The following GGH variants were observed in gnomAD, a reference collection of about 807,000 sequenced individuals.
The protein encoded by GGH is gamma-glutamyl hydrolase, also known as gamma-Glu-X carboxypeptidase.
A neutral mutation model predicts 39.2 loss-of-function variants in GGH; 18 were observed. The observed-to-expected ratio is 0.46, with a 90% CI of 0.32 to 0.68. The LOEUF is 0.68. Among genes scored for constraint, GGH ranks in the 30% least tolerant of loss-of-function variants. The probability of loss-of-function intolerance (pLI) is 0.04; values close to 1 mark genes in which losing one functional copy is unlikely to be tolerated. For synonymous variants in GGH, 147 were observed against 138.8 expected (o/e 1.06, Z -0.42); for missense variants, 367 against 384.1 (o/e 0.96, Z 0.37).
intron 8 of GGH, among the ~76,000 whole-genome samples, chr8:63,016,558 C>T (rs1804490670): frequency 6.6e-6 from 1 of 152,216 alleles, no homozygotes; most frequent in Non-Finnish European, 1.5e-5. Flanking sequence ...CTCTGTCTTA[C>T]ACAGCTAGTC....
chr8:63,021,667 T>A (rs1295045261), intron 7 of GGH, among the ~76,000 whole-genome samples: 3 of 139,464 alleles, frequency 2.2e-5, no homozygotes, highest in African/African-American at 8.3e-5. Flanking sequence ...AAATCTCATA[T>A]CCTTTTTTTT....
In GGH at chr8:63,038,771, C is replaced by G. The variant is rs946336252; in HGVS notation, c.-3G>C. The G allele has an allele frequency of 2.0e-6, 3 of 1,516,398 alleles. No individual in the cohort carries two copies. The highest frequency in any genetic ancestry group is 2.6e-6 in the Non-Finnish European group (3 of 1,132,438). The allele number at this position is 1,516,398 out of a possible 1,614,324, so 93.9% of individuals were successfully genotyped here. On this transcript the variant is annotated 5_prime_UTR_variant, in exon 1 of 9. Coordinates refer to ENST00000260118, the MANE Select transcript of GGH (RefSeq NM_003878.3). ...AGCAGGCAGCCCGGACTGGCCATGG[C>G]GCTCGCCGCCTCCCGCCGCCTTTCA...
chr8:63,030,635 T>A (rs1165472983), intron 2 of GGH, among the ~76,000 whole-genome samples: 2 of 152,132 alleles, frequency 1.3e-5, no homozygotes, highest in Non-Finnish European at 2.9e-5. Context: ...CTCTGGCAGA[T>A]TAAAAAATGC....
intron 3 of GGH, 30 bp from the exon 4 acceptor site, chr8:63,027,295 G>T (rs1375454677): frequency 6.3e-6 from 8 of 1,270,868 alleles, no homozygotes; most frequent in Non-Finnish European, 9.2e-6. Flanking sequence ...ATCAAATAGG[G>T]TGTATTTTGC....
Position 63,021,427 on chromosome 8 carries a change from G to A in GGH, c.697+2480C>T, listed in dbSNP as rs578253797. Among the ~76,000 whole-genome samples, 715 of 152,252 alleles carry A rather than the reference G, an allele frequency of 4.7e-3. 2 individuals carry two copies. Among genetic ancestry groups the A allele is most frequent in the Non-Finnish European group, 8.2e-3 (555 of 68,016 alleles). On this transcript the variant is annotated intron_variant, in intron 7 of 8. Transcript: ENST00000260118. ...ACTGGAAAATGTTTGATTTTACTAA[G>A]AAATGCCAAAATGTTTTCCAATCGT...
At chr8:63,021,884 G>A (rs972144888) in intron 7 of GGH, among the ~76,000 whole-genome samples, 4 of 151,846 alleles carry the variant, frequency 2.6e-5, no homozygotes, top group Non-Finnish European at 5.9e-5. Context: ...ATGTTGGCCA[G>A]GCTGGTCTCA....
In GGH at chr8:63,027,197, T is replaced by TAAAAAAAAAACA; in HGVS notation, c.343_344insTGTTTTTTTTTT (p.Phe114_Tyr115insLeuPhePhePhe). ...GATATTTACCTGTATGGACAAGTTA[T>TAAAAAAAAAACA]AAAATATTTTGGCCACTTTAGCATA... is the stretch of plus-strand genomic sequence containing the variant. On this transcript the variant is annotated inframe_insertion, in exon 4 of 9. Coordinates refer to ENST00000260118, the MANE Select transcript of GGH (RefSeq NM_003878.3). 6.7e-7 allele frequency: 1 copy of TAAAAAAAAAACA among 1,494,582 alleles called. No homozygotes were observed. The highest frequency in any genetic ancestry group is 9.3e-7 in the Non-Finnish European group (1 of 1,071,352). 92.6% of individuals were successfully genotyped at this position (1,494,582 alleles called of 1,614,324 possible).
chr8:63,030,179 T>C lies in GGH; in HGVS notation c.263A>G (p.Lys88Arg). 1 of 1,423,604 alleles carries C rather than the reference T, an allele frequency of 7.0e-7. No homozygotes were observed. Among genetic ancestry groups the C allele is most frequent in the Non-Finnish European group, 9.9e-7 (1 of 1,007,060 alleles). 88.2% of individuals were successfully genotyped at this position (1,423,604 alleles called of 1,614,324 possible). Residue 88 changes from lysine to arginine, a missense_variant, in exon 3 of 9, where the codon AAA becomes AGA. By Grantham distance (26) the Lys-to-Arg change is conservative. Coordinates refer to ENST00000260118, the MANE Select transcript of GGH (RefSeq NM_003878.3). ...GCTGCCAACTTACCCATTAATAGATTTGAAAAGTATTTCATAGTCTTTCTC... is the reference window on the plus strand; with the variant it reads ...GCTGCCAACTTACCCATTAATAGATCTGAAAAGTATTTCATAGTCTTTCTC... ...LTEKDYEILF[K>R]SINGILFPGG...
intron 7 of GGH, among the ~76,000 whole-genome samples, chr8:63,019,352 G>C (rs563473111): frequency 6.6e-6 from 1 of 152,308 alleles, no homozygotes; most frequent in Admixed American, 6.5e-5. Flanking sequence ...TTAAAGTTGA[G>C]CAAACTTTCC....
intron 4 of GGH, 39 bp from the exon 5 acceptor site, chr8:63,026,335 A>C (rs1563668617): frequency 6.5e-7 from 1 of 1,534,754 alleles, no homozygotes; most frequent in Non-Finnish European, 8.9e-7. Flanking sequence ...GTTTATTCAA[A>C]CTTTTCAAAA....
chr8:63,035,866 T>C, intron 1 of GGH, 96 bp from the exon 2 acceptor site: 1 of 1,108,534 alleles, frequency 9.0e-7, no homozygotes, highest in Non-Finnish European at 1.3e-6. Context: ...TTTTATTATT[T>C]CAATCCACAG....
rs1804871976 is a variant in GGH at position 63,034,828 on chromosome 8, C to A, written c.224+828G>T. Among the ~76,000 whole-genome samples the A allele has an allele frequency of 2.0e-5, 3 of 152,162 alleles. No individual in the cohort carries two copies. In the South Asian group the frequency reaches 6.2e-4, roughly 31 times the overall value. ...AAACCTCCTTCATTCCCTAACTGTT[C>A]TCTTATCCTAATATTATAGAACAAA... On this transcript the variant is annotated intron_variant, in intron 2 of 8. Coordinates refer to ENST00000260118, the MANE Select transcript of GGH (RefSeq NM_003878.3).
At chr8:63,024,888 T>G (rs1454507000) in intron 5 of GGH, 1 of 152,222 alleles carries the variant, frequency 6.6e-6, no homozygotes, top group Non-Finnish European at 1.5e-5. Context: ...ACAACCAAAG[T>G]ACTCTGACCT....
At chr8:63,033,403 C>A (rs60865954) in intron 2 of GGH, among the ~76,000 whole-genome samples, 29,937 of 152,072 alleles carry the variant, frequency 0.2, 3,086 homozygotes, top group East Asian at 0.41. Flanking sequence ...TTGAGAGGCT[C>A]TTGATTACCA....
chr8:63,025,634 G>C (rs112804438), intron 5 of GGH, among the ~76,000 whole-genome samples: 2 of 152,130 alleles, frequency 1.3e-5, no homozygotes, highest in African/African-American at 4.8e-5. Context: ...AGGGGGCTGA[G>C]GCAGGAGAAT....
intron 7 of GGH, among the ~76,000 whole-genome samples, chr8:63,020,642 A>G (rs548198691): frequency 6.6e-6 from 1 of 152,240 alleles, no homozygotes; most frequent in South Asian, 2.1e-4. Flanking sequence ...GGAAAGGGGG[A>G]GCTTTTCAGA....
In GGH at chr8:63,017,648, A is replaced by AT. The variant is rs1301671316; in HGVS notation, c.698-19dup. The AT allele has an allele frequency of 6.7e-7, 1 of 1,496,226 alleles. No homozygotes were observed. Among genetic ancestry groups the AT allele is most frequent in the African/African-American group, 1.4e-5 (1 of 71,438 alleles). The allele number at this position is 1,496,226 out of a possible 1,614,324, so 92.7% of individuals were successfully genotyped here. ...CTTATATCCTGTAAGAAGAACACAA[A>AT]TTAGTAAGTACTAAGAATGGTTTAA... On this transcript the variant is annotated intron_variant, in intron 7 of 8. Transcript: ENST00000260118.
rs376337326 is a variant in GGH at position 63,023,913 on chromosome 8, T to C, written c.691A>G (p.Met231Val). 3.2e-6 allele frequency: 5 copies of C among 1,570,412 alleles called. No homozygotes were observed. Among genetic ancestry groups the C allele is most frequent in the Non-Finnish European group, 4.3e-6 (5 of 1,150,568 alleles). The change falls in exon 7 of 9, where the codon ATG becomes GTG. Residue 231 changes from methionine to valine, a missense_variant. Met to Val is a conservative substitution (Grantham distance 21, BLOSUM62 1). Transcript: ENST00000260118. ...TDGKIEFIST[M>V]EGYKYPVYGV... The stretch of plus-strand genomic sequence containing the variant: ...ACATGTTATAGTGATATACCTTCCA[T>C]TGTTGAAATAAACTCAATCTTGCCA...
chr8:63,017,166 G>C (rs1362751587), intron 8 of GGH, among the ~76,000 whole-genome samples: 1 of 151,976 alleles, frequency 6.6e-6, no homozygotes, highest in Non-Finnish European at 1.5e-5. Flanking sequence ...ATTTCAGCCT[G>C]GGCGACAGAG....
Sources: allele counts gnomAD v4.1 joint callset (sites outside exome capture counted in the v4.1 genomes callset), GRCh38; gene constraint gnomAD v4.1.1; transcripts MANE v1.5; gene names NCBI Gene and HGNC (gene_info 2026-07-23, HGNC 2026-07-21).